The following DLGAP2 variants were observed in gnomAD, a reference collection of about 807,000 sequenced individuals.
The protein encoded by DLGAP2 is disks large-associated protein 2.
DLGAP2 carries 26 observed loss-of-function variants against 100.3 expected under a neutral mutation model. That is an observed-to-expected ratio of 0.26 (90% CI 0.19 to 0.36). The LOEUF (loss-of-function observed/expected upper bound fraction) is 0.36, where lower values mean the gene tolerates loss of function less well. Among genes scored for constraint, DLGAP2 ranks in the 10% least tolerant of loss-of-function variants. The pLI, the probability that DLGAP2 is intolerant of heterozygous loss-of-function variation, is 1.00. For synonymous variants in DLGAP2, 886 were observed against 630.1 expected, an observed-to-expected ratio of 1.41 and a Z score of -6.08; for missense variants, 1,858 against 1,453.2, an observed-to-expected ratio of 1.28 and a Z score of -4.53.
intron 3 of DLGAP2, among the ~76,000 whole-genome samples, chr8:1,439,095 C>T (rs1413255732): frequency 4.4e-4 from 67 of 152,154 alleles, no homozygotes; most frequent in Admixed American, 4.4e-3. Flanking sequence ...ACATGCTGGG[C>T]TGAGAAAGTG....
intron 1 of DLGAP2, among the ~76,000 whole-genome samples, chr8:841,082 A>G (rs186341377): frequency 7.2e-5 from 11 of 152,354 alleles, no homozygotes; most frequent in African/African-American, 2.4e-4. Flanking sequence ...TCATATATAA[A>G]TTGAACTTGT....
intron 4 of DLGAP2, among the ~76,000 whole-genome samples, chr8:1,516,807 A>G (rs1290489993): frequency 6.6e-6 from 1 of 152,234 alleles, no homozygotes; most frequent in African/African-American, 2.4e-5. Flanking sequence ...GAGTGCATGA[A>G]TGAGTGAAAG....
At chr8:901,897 T>C (rs986368114) in intron 1 of DLGAP2, among the ~76,000 whole-genome samples, 2 of 152,192 alleles carry the variant, frequency 1.3e-5, no homozygotes, top group Non-Finnish European at 2.9e-5. Flanking sequence ...AGGGCTTCGC[T>C]GGACATCTGT....
rs1821209501 is a variant in DLGAP2 at position 766,115 on chromosome 8, C to T, written c.18+28290C>T. On this transcript the variant is annotated intron_variant, in intron 1 of 14. Coordinates refer to ENST00000637795, the MANE Select transcript of DLGAP2 (RefSeq NM_001346810.2). Reference sequence around the variant, plus strand: ...CCGGGAAGCGGAGGTTGTAGTGAGTCGAGATTGTGCCATTACACTCCAGCC... The same window carrying T: ...CCGGGAAGCGGAGGTTGTAGTGAGTTGAGATTGTGCCATTACACTCCAGCC... Among the ~76,000 whole-genome samples the T allele has an allele frequency of 2.0e-5, 3 of 152,096 alleles. No homozygotes were observed. The South Asian group carries it at 6.2e-4, about 32-fold the overall frequency.
At chr8:1,079,782 C>G (rs1363210127) in intron 2 of DLGAP2, among the ~76,000 whole-genome samples, 1 of 152,168 alleles carries the variant, frequency 6.6e-6, no homozygotes, top group Non-Finnish European at 1.5e-5. Flanking sequence ...GCAAGATGAG[C>G]CCAGAGCAAT....
At chr8:1,080,059 G>T (rs1284015716) in intron 2 of DLGAP2, among the ~76,000 whole-genome samples, 2 of 152,238 alleles carry the variant, frequency 1.3e-5, no homozygotes, top group African/African-American at 4.8e-5. Flanking sequence ...TTGTCCTCAA[G>T]CGTATGATGG....
chr8:1,348,098 A>G (rs1184033837), intron 3 of DLGAP2, among the ~76,000 whole-genome samples: 1 of 150,956 alleles, frequency 6.6e-6, no homozygotes, highest in Non-Finnish European at 1.5e-5. Flanking sequence ...GAGTTCCTAT[A>G]CAGAGCTACA....
chr8:1,400,059 A>T (rs369859965), intron 3 of DLGAP2, among the ~76,000 whole-genome samples: 19 of 102 alleles, frequency 0.19, 5 homozygotes, highest in Admixed American at 0.5. Flanking sequence ...GTGTATTGAG[A>T]GCTTACTGAG....
At chr8:1,632,178 A>G (rs1797663901) in intron 7 of DLGAP2, among the ~76,000 whole-genome samples, 3 of 152,206 alleles carry the variant, frequency 2.0e-5, no homozygotes, top group Admixed American at 2.0e-4. Flanking sequence ...AAGAATAAAA[A>G]AAGCCTGGAA....
intron 2 of DLGAP2, among the ~76,000 whole-genome samples, chr8:1,204,975 G>T (rs1797958956): frequency 6.6e-6 from 1 of 152,158 alleles, no homozygotes. Context: ...CAGTGGGGCT[G>T]ACAGCTCCAT....
At chr8:1,358,197 T>C (rs1056019012) in intron 3 of DLGAP2, among the ~76,000 whole-genome samples, 10 of 152,186 alleles carry the variant, frequency 6.6e-5, no homozygotes, top group Admixed American at 5.9e-4. Context: ...CAAAAGGATG[T>C]GGACGCACAA....
chr8:1,407,091 T>A (rs1220280887), intron 3 of DLGAP2, among the ~76,000 whole-genome samples: 1 of 18,664 alleles, frequency 5.4e-5, no homozygotes, highest in Non-Finnish European at 8.8e-5. Flanking sequence ...TACTGAGCGC[T>A]CCCTCCTTGT....
At chr8:1,174,628 G>T (rs1308070420) in intron 2 of DLGAP2, among the ~76,000 whole-genome samples, 1 of 148,660 alleles carries the variant, frequency 6.7e-6, no homozygotes, top group Non-Finnish European at 1.5e-5. Context: ...CATTATTACT[G>T]CCACCATCAT....
intron 3 of DLGAP2, among the ~76,000 whole-genome samples, chr8:1,449,843 C>A (rs1243613141): frequency 1.2e-3 from 163 of 136,120 alleles, no homozygotes; most frequent in African/African-American, 4.4e-3. Flanking sequence ...GTGACTGTAG[C>A]GGAGCTGTGA....
chr8:1,292,488 G>C (rs915442773), intron 3 of DLGAP2, among the ~76,000 whole-genome samples: 1 of 152,144 alleles, frequency 6.6e-6, no homozygotes, highest in African/African-American at 2.4e-5. Flanking sequence ...TGAAGAAACA[G>C]CTCATCTCTT....
At chr8:1,543,889 C>G (rs923777996) in intron 4 of DLGAP2, among the ~76,000 whole-genome samples, 2 of 151,484 alleles carry the variant, frequency 1.3e-5, no homozygotes, top group Non-Finnish European at 2.9e-5. Context: ...GTGTACGAAT[C>G]TTTCACGTCC....
intron 2 of DLGAP2, among the ~76,000 whole-genome samples, chr8:946,237 G>A (rs75036011): frequency 0.11 from 17,339 of 151,478 alleles, 1,517 homozygotes; most frequent in Admixed American, 0.27. Flanking sequence ...TGAGTAACTT[G>A]GTGCTTCTGT....
intron 1 of DLGAP2, among the ~76,000 whole-genome samples, chr8:879,765 C>G (rs1244095407): frequency 6.6e-6 from 1 of 152,162 alleles, no homozygotes; most frequent in Admixed American, 6.6e-5. Flanking sequence ...GTTGATTGCT[C>G]CTAGGGAGAA....
At chr8:1,280,963 C>T in intron 3 of DLGAP2, among the ~76,000 whole-genome samples, 1 of 152,174 alleles carries the variant, frequency 6.6e-6, no homozygotes, top group East Asian at 1.9e-4. Context: ...GATTTGGAGC[C>T]AGCTGGATGT....
Sources: gnomAD v4.1 joint callset for allele counts (sites outside exome capture counted in the v4.1 genomes callset) on GRCh38, gnomAD v4.1.1 for gene constraint, MANE v1.5 for transcripts, NCBI Gene and HGNC (gene_info 2026-07-23, HGNC 2026-07-21) for gene names.